SFXN5: variants seen among roughly 807,000 people sequenced by gnomAD.
SFXN5 encodes the protein sideroflexin 5.
SFXN5 carries 43 observed loss-of-function variants against 50.2 expected under a neutral mutation model. The ratio of observed to expected loss-of-function variants is 0.86; its 90% CI spans 0.67 to 1.11. SFXN5 has a LOEUF of 1.11. Ranked by LOEUF, SFXN5 falls within the 50% of genes least tolerant of loss-of-function variation. The pLI, the probability that SFXN5 is intolerant of heterozygous loss-of-function variation, is 0.00. For synonymous variants in SFXN5, 203 were observed against 185.8 expected (o/e 1.09, Z -0.75); for missense variants, 463 against 454.1 (o/e 1.02, Z -0.18).
intron 9 of SFXN5, among the ~76,000 whole-genome samples, chr2:72,991,149 C>T (rs1224827983): frequency 1.4e-4 from 22 of 152,224 alleles, no homozygotes; most frequent in Non-Finnish European, 4.4e-5. Context: ...GAAAGGTGAC[C>T]ATCACATTTC....
chr2:72,958,482 GTCTCTGATTC>G, intron 13 of SFXN5, among the ~76,000 whole-genome samples: 1 of 152,288 alleles, frequency 6.6e-6, no homozygotes, highest in South Asian at 2.1e-4. Context: ...AACTGGGAGG[GTCTCTGATTC>G]TGCATCAGTA....
intron 1 of SFXN5, among the ~76,000 whole-genome samples, chr2:73,063,627 T>G (rs1022912762): frequency 6.6e-6 from 1 of 152,158 alleles, no homozygotes; most frequent in Admixed American, 6.5e-5. Flanking sequence ...GACTTAGACC[T>G]GCCAATCAAG....
At chr2:72,978,699 T>A (rs931869696) in intron 10 of SFXN5, among the ~76,000 whole-genome samples, 2 of 152,200 alleles carry the variant, frequency 1.3e-5, no homozygotes, top group Non-Finnish European at 2.9e-5. Flanking sequence ...TGGCAATATT[T>A]AATAAAGCTA....
intron 3 of SFXN5, among the ~76,000 whole-genome samples, chr2:73,029,635 A>G (rs935129810): frequency 6.6e-6 from 1 of 152,176 alleles, no homozygotes; most frequent in African/African-American, 2.4e-5. Context: ...CCGGCACTGG[A>G]GCATGTCAGT....
chr2:73,055,598 CTTTTT>C (rs570909541), intron 2 of SFXN5, among the ~76,000 whole-genome samples: 1 of 133,928 alleles, frequency 7.5e-6, no homozygotes, highest in Non-Finnish European at 1.6e-5. Context: ...TTTTCTTTTT[CTTTTT>C]TTTTTTTTTT....
chr2:72,978,409 A>G (rs1424925712), intron 10 of SFXN5, among the ~76,000 whole-genome samples: 2 of 151,558 alleles, frequency 1.3e-5, no homozygotes, highest in Non-Finnish European at 2.9e-5. Context: ...CAGCCTCCCA[A>G]GTAGCTGCAA....
intron 6 of SFXN5, among the ~76,000 whole-genome samples, chr2:73,002,887 A>C (rs1420983258): frequency 6.6e-6 from 1 of 152,188 alleles, no homozygotes; most frequent in Admixed American, 6.5e-5. Context: ...CTCCATCCCC[A>C]TGTGATCTCT....
At chr2:73,002,951 G>A (rs1209428242) in intron 6 of SFXN5, among the ~76,000 whole-genome samples, 1 of 152,216 alleles carries the variant, frequency 6.6e-6, no homozygotes, top group Non-Finnish European at 1.5e-5. Context: ...TGAAAGTGAA[G>A]GGGCTGACCT....
At chr2:72,981,351 C>T (rs762332407) in intron 10 of SFXN5, 2 of 152,242 alleles carry the variant, frequency 1.3e-5, no homozygotes, top group South Asian at 2.1e-4. Context: ...CACGAGACCC[C>T]CGGGTCTCTG....
At chr2:73,016,869 G>GAAAATGCATCCC (rs1676231434) in intron 6 of SFXN5, among the ~76,000 whole-genome samples, 1 of 152,146 alleles carries the variant, frequency 6.6e-6, no homozygotes, top group Non-Finnish European at 1.5e-5. Context: ...GCATTTTGTT[G>GAAAATGCATCCC]ACATGATGGG....
chr2:73,047,297 T>TATATATATACACACATATATATATATAA (rs1160748572), intron 2 of SFXN5, among the ~76,000 whole-genome samples: 2 of 64,694 alleles, frequency 3.1e-5, no homozygotes, highest in South Asian at 4.4e-4. Context: ...TATATATATA[T>TATATATATACACACATATATATATATAA]AAAATATATA....
intron 2 of SFXN5, chr2:73,049,707 C>T (rs1276149703): frequency 6.6e-6 from 1 of 152,232 alleles, no homozygotes; most frequent in Non-Finnish European, 1.5e-5. Flanking sequence ...GCCATAGCAT[C>T]TCACCCTGGC....
At chr2:73,049,013 T>C (rs1680881483) in intron 2 of SFXN5, 1 of 152,258 alleles carries the variant, frequency 6.6e-6, no homozygotes, top group African/African-American at 2.4e-5. Flanking sequence ...TTCACTGAGT[T>C]ACCAAAGGTA....
intron 10 of SFXN5, among the ~76,000 whole-genome samples, chr2:72,974,065 C>G (rs985115585): frequency 6.6e-6 from 1 of 152,244 alleles, no homozygotes; most frequent in Non-Finnish European, 1.5e-5. Flanking sequence ...CACCCAACCC[C>G]ACCTTGGCTT....
chr2:73,045,962 G>T (rs1680267301), intron 2 of SFXN5, among the ~76,000 whole-genome samples: 1 of 152,146 alleles, frequency 6.6e-6, no homozygotes, highest in Non-Finnish European at 1.5e-5. Context: ...AGTTGCCTTA[G>T]GAGGCCAAGT....
At chr2:72,966,833 G>A (rs1674472440) in intron 12 of SFXN5, among the ~76,000 whole-genome samples, 1 of 152,176 alleles carries the variant, frequency 6.6e-6, no homozygotes, top group Non-Finnish European at 1.5e-5. Context: ...GGTCACCTTG[G>A]CCAAGTTCAC....
chr2:72,988,245 G>A lies in SFXN5; in HGVS notation c.625+13C>T, dbSNP rs1025937015. On this transcript the variant is annotated intron_variant, in intron 10 of 13. Transcript: ENST00000272433. ...CACCCACAGCACACATCTATGTGGTGTGCAGGTCTTACCTACAGCAGGGAA... is the reference window on the plus strand; with the variant it reads ...CACCCACAGCACACATCTATGTGGTATGCAGGTCTTACCTACAGCAGGGAA... 3 of 1,612,304 alleles carry A rather than the reference G, an allele frequency of 1.9e-6. No individual in the cohort carries two copies. In the African/African-American group the frequency reaches 4.0e-5, roughly 22 times the overall value.
At chr2:73,043,857 T>A (rs372040778) in intron 2 of SFXN5, among the ~76,000 whole-genome samples, 6 of 152,206 alleles carry the variant, frequency 3.9e-5, no homozygotes, top group Non-Finnish European at 8.8e-5. Context: ...ATAATACGCT[T>A]ATCTACAAAA....
Position 72,961,266 on chromosome 2 carries a change from G to A in SFXN5, c.828-18C>T. 1.3e-6 allele frequency: 2 copies of A among 1,496,958 alleles called. No individual in the cohort carries two copies. Among genetic ancestry groups the A allele is most frequent in the South Asian group, 2.5e-5 (2 of 78,694 alleles). The allele number at this position is 1,496,958 out of a possible 1,614,324, so 92.7% of individuals were successfully genotyped here. On this transcript the variant is annotated intron_variant, in intron 12 of 13. Transcript: ENST00000272433. The surrounding 1 kb of genome is among the most constrained non-coding windows in gnomAD (Gnocchi z 4.4). ...GAGCCGTCCTGTGAGGGAGAGAGGAGGGAGCCCCATGAGACCCGAAGGTGG... is the reference window on the plus strand; with the variant it reads ...GAGCCGTCCTGTGAGGGAGAGAGGAAGGAGCCCCATGAGACCCGAAGGTGG...
Sources: allele counts gnomAD v4.1 joint callset (sites outside exome capture counted in the v4.1 genomes callset), GRCh38; gene constraint gnomAD v4.1.1; non-coding constraint Gnocchi (gnomAD v3.1); transcripts MANE v1.5; gene names NCBI Gene and HGNC (gene_info 2026-07-23, HGNC 2026-07-21).